Variants in ST6GALNAC5 observed in about 807,000 individuals in gnomAD.
The protein encoded by ST6GALNAC5 is ST6 N-acetylgalactosaminide alpha-2,6-sialyltransferase 5, also known as alpha-N-acetylgalactosaminide alpha-2,6-sialyltransferase 5.
Under a neutral mutation model 33.6 loss-of-function variants are expected in ST6GALNAC5, and 27 were observed. The ratio of observed to expected loss-of-function variants is 0.80; its 90% CI spans 0.59 to 1.11. ST6GALNAC5 has a LOEUF of 1.11. Ranked by LOEUF, ST6GALNAC5 falls within the 50% of genes least tolerant of loss-of-function variation. The probability of loss-of-function intolerance (pLI) is 0.00; values close to 1 mark genes in which losing one functional copy is unlikely to be tolerated. For synonymous variants in ST6GALNAC5, 194 were observed against 171.2 expected, an observed-to-expected ratio of 1.13 and a Z score of -1.04; for missense variants, 428 against 454.0, an observed-to-expected ratio of 0.94 and a Z score of 0.52.
At chr1:77,039,842 C>T (rs1651775582) in intron 2 of ST6GALNAC5, among the ~76,000 whole-genome samples, 1 of 152,194 alleles carries the variant, frequency 6.6e-6, no homozygotes, top group African/African-American at 2.4e-5. Context: ...CCCGCTGGAG[C>T]CACCTCCCCT....
intron 2 of ST6GALNAC5, among the ~76,000 whole-genome samples, chr1:76,957,864 T>C (rs756816762): frequency 6.6e-6 from 1 of 152,166 alleles, no homozygotes; most frequent in Non-Finnish European, 1.5e-5. Flanking sequence ...CAAATCAAGA[T>C]TGAATAAAGG....
intron 2 of ST6GALNAC5, among the ~76,000 whole-genome samples, chr1:76,948,850 A>G (rs138097624): frequency 9.4e-4 from 143 of 152,252 alleles, no homozygotes; most frequent in Admixed American, 1.6e-3. Flanking sequence ...AAGTATAACT[A>G]TAGCTGGGCC....
At chr1:76,869,908 A>G (rs903799897) in intron 2 of ST6GALNAC5, among the ~76,000 whole-genome samples, 3 of 152,208 alleles carry the variant, frequency 2.0e-5, no homozygotes, top group African/African-American at 4.8e-5. Flanking sequence ...TAAATGCTAG[A>G]TATGAACAGT....
At chr1:76,900,180 A>T (rs189933818) in intron 2 of ST6GALNAC5, among the ~76,000 whole-genome samples, 52 of 152,270 alleles carry the variant, frequency 3.4e-4, no homozygotes, top group Non-Finnish European at 7.2e-4. Flanking sequence ...AGTGGAGGTC[A>T]CAAGGTGCTC....
intron 2 of ST6GALNAC5, among the ~76,000 whole-genome samples, chr1:76,893,707 C>T (rs946416972): frequency 2.0e-5 from 3 of 152,202 alleles, no homozygotes; most frequent in Non-Finnish European, 2.9e-5. Flanking sequence ...GTCACCCAGG[C>T]TAGATTGCAG....
At chr1:76,992,060 C>T (rs192436768) in intron 2 of ST6GALNAC5, among the ~76,000 whole-genome samples, 7 of 152,172 alleles carry the variant, frequency 4.6e-5, no homozygotes, top group Admixed American at 2.6e-4. Context: ...ACGTAGGGGT[C>T]AGCTTCCCAA....
At chr1:76,980,692 C>G (rs962058364) in intron 2 of ST6GALNAC5, among the ~76,000 whole-genome samples, 1 of 152,128 alleles carries the variant, frequency 6.6e-6, no homozygotes, top group South Asian at 2.1e-4. Context: ...AATGGAACCA[C>G]CTTTCCACTC....
At chr1:76,911,677 G>T (rs532930125) in intron 2 of ST6GALNAC5, among the ~76,000 whole-genome samples, 3 of 152,070 alleles carry the variant, frequency 2.0e-5, no homozygotes, top group African/African-American at 7.2e-5. Context: ...CTTGGGAGAG[G>T]GTATGTGTTG....
intron 2 of ST6GALNAC5, among the ~76,000 whole-genome samples, chr1:76,897,370 T>C (rs1479077009): frequency 6.6e-6 from 1 of 152,214 alleles, no homozygotes; most frequent in Non-Finnish European, 1.5e-5. Context: ...TCATAGATCC[T>C]GAACTAACTT....
chr1:76,937,198 C>A (rs12128179), intron 2 of ST6GALNAC5, among the ~76,000 whole-genome samples: 2,532 of 151,890 alleles, frequency 0.017, 52 homozygotes, highest in Non-Finnish European at 0.02. Flanking sequence ...GAAATGCAAG[C>A]CCTAAACTGA....
chr1:76,894,070 T>A (rs1339588893), intron 2 of ST6GALNAC5, among the ~76,000 whole-genome samples: 4 of 152,190 alleles, frequency 2.6e-5, no homozygotes, highest in African/African-American at 7.2e-5. Flanking sequence ...TAGATTTTTG[T>A]TTTTTACCTT....
chr1:77,025,349 A>G (rs1651190931), intron 2 of ST6GALNAC5, among the ~76,000 whole-genome samples: 1 of 152,152 alleles, frequency 6.6e-6, no homozygotes, highest in Admixed American at 6.5e-5. Context: ...CCAGGCTAAC[A>G]TGGTGAAATC....
intron 2 of ST6GALNAC5, among the ~76,000 whole-genome samples, chr1:77,001,951 C>T (rs1240017331): frequency 2.6e-5 from 4 of 151,900 alleles, no homozygotes; most frequent in Non-Finnish European, 4.4e-5. Flanking sequence ...CTAAAATTCT[C>T]TTTTTTGGTT....
At chr1:77,011,696 TTTTTA>T (rs1161640062) in intron 2 of ST6GALNAC5, among the ~76,000 whole-genome samples, 3 of 152,106 alleles carry the variant, frequency 2.0e-5, no homozygotes, top group Admixed American at 6.5e-5. Context: ...GTTAGTAATA[TTTTTA>T]TTTTATAATA....
chr1:76,939,184 C>T (rs987039392), intron 2 of ST6GALNAC5, among the ~76,000 whole-genome samples: 5 of 151,982 alleles, frequency 3.3e-5, no homozygotes, highest in Admixed American at 3.3e-4. Flanking sequence ...AGGTTGAGTG[C>T]CGTTGGGACA....
At chr1:76,930,267 G>A (rs901661657) in intron 2 of ST6GALNAC5, among the ~76,000 whole-genome samples, 1 of 152,116 alleles carries the variant, frequency 6.6e-6, no homozygotes, top group Non-Finnish European at 1.5e-5. Flanking sequence ...TAGTTTATAT[G>A]TCTAAATCAT....
Position 77,044,237 on chromosome 1 carries a change from G to A in ST6GALNAC5, c.295G>A (p.Val99Met), listed in dbSNP as rs1206787329. ...AATGCACTGCAGGGACTGTGCCCTG[G>A]TGACCAGCTCAGGGCATCTGCTGCA... is the stretch of plus-strand genomic sequence containing the variant. ...LKMHCRDCAL[V>M]TSSGHLLHSR... Residue 99 changes from valine (V) to methionine (M), a missense_variant, in exon 3 of 5, where the codon GTG becomes ATG. Physicochemically the swap from Val to Met is conservative, Grantham distance 21. Transcript: ENST00000477717. 2.5e-6 allele frequency: 4 copies of A among 1,612,834 alleles called. No individual in the cohort carries two copies. The highest frequency in any genetic ancestry group is 2.5e-6 in the Non-Finnish European group (3 of 1,179,406).
intron 2 of ST6GALNAC5, among the ~76,000 whole-genome samples, chr1:76,875,184 C>T (rs1191057831): frequency 6.6e-6 from 1 of 152,188 alleles, no homozygotes; most frequent in East Asian, 1.9e-4. Context: ...ATGATTACTA[C>T]CTTCTTCTAC....
chr1:76,964,910 A>G (rs1484417892), intron 2 of ST6GALNAC5, among the ~76,000 whole-genome samples: 1 of 152,152 alleles, frequency 6.6e-6, no homozygotes, highest in Non-Finnish European at 1.5e-5. Context: ...TTCCAGCTGC[A>G]TCCATGTCCC....
Sources: gnomAD v4.1 joint callset for allele counts (sites outside exome capture counted in the v4.1 genomes callset) on GRCh38, gnomAD v4.1.1 for gene constraint, MANE v1.5 for transcripts, NCBI Gene and HGNC (gene_info 2026-07-23, HGNC 2026-07-21) for gene names.